CYP20A1: variants seen among roughly 807,000 people sequenced by gnomAD.
The protein encoded by CYP20A1 is cytochrome P450 family 20 subfamily A member 1, also known as cytochrome P450 20A1.
Under a neutral mutation model 61.4 loss-of-function variants are expected in CYP20A1, and 61 were observed. The ratio of observed to expected loss-of-function variants is 0.99; its 90% CI spans 0.81 to 1.23. CYP20A1 has a LOEUF of 1.23. Ranked by LOEUF, CYP20A1 falls within the 50% of genes most tolerant of loss-of-function variation. The pLI, the probability that CYP20A1 is intolerant of heterozygous loss-of-function variation, is 0.00. For synonymous variants in CYP20A1, 193 were observed against 188.2 expected, an observed-to-expected ratio of 1.03 and a Z score of -0.21; for missense variants, 530 against 542.4, an observed-to-expected ratio of 0.98 and a Z score of 0.23.
intron 3 of CYP20A1, among the ~76,000 whole-genome samples, chr2:203,250,793 G>A (rs1239174180): frequency 1.3e-5 from 2 of 152,092 alleles, no homozygotes; most frequent in African/African-American, 4.8e-5. Flanking sequence ...GGCCGGGTGC[G>A]GTGGCTCACG....
chr2:203,243,932 G>C (rs190714332), intron 1 of CYP20A1, among the ~76,000 whole-genome samples: 133 of 151,128 alleles, frequency 8.8e-4, no homozygotes, highest in South Asian at 3.0e-3. Flanking sequence ...TCAAATGATC[G>C]TCCTGCCTTG....
At chr2:203,273,003 C>T (rs2067669920) in intron 6 of CYP20A1, among the ~76,000 whole-genome samples, 2 of 151,910 alleles carry the variant, frequency 1.3e-5, no homozygotes, top group Admixed American at 6.6e-5. Flanking sequence ...GGTGCCACCA[C>T]GCCCAGCTAA....
chr2:203,249,521 T>C (rs4673251), intron 3 of CYP20A1, among the ~76,000 whole-genome samples: 136,016 of 152,208 alleles, frequency 0.89, 61,627 homozygotes, highest in Non-Finnish European at 0.96. Context: ...ACCACCAATA[T>C]GTTAAATATA....
intron 5 of CYP20A1, among the ~76,000 whole-genome samples, chr2:203,267,488 C>G (rs535909099): frequency 6.7e-6 from 1 of 148,782 alleles, no homozygotes; most frequent in Non-Finnish European, 1.5e-5. Context: ...GAGCCAAGAC[C>G]GCACCACTGC....
At chr2:203,252,840 G>A (rs746315347) in intron 4 of CYP20A1, among the ~76,000 whole-genome samples, 2 of 152,054 alleles carry the variant, frequency 1.3e-5, no homozygotes, top group African/African-American at 2.4e-5. Context: ...CCCACTTCGC[G>A]GTTGATGAGC....
chr2:203,264,553 T>A (rs1202162091), intron 4 of CYP20A1, among the ~76,000 whole-genome samples: 1 of 152,156 alleles, frequency 6.6e-6, no homozygotes, highest in Non-Finnish European at 1.5e-5. Flanking sequence ...CTGGGACTAG[T>A]ATATAGTTGT....
Position 203,259,532 on chromosome 2 carries a change from G to A in CYP20A1, c.433-6982G>A, listed in dbSNP as rs187263719. 22 of 152,136 alleles carry A rather than the reference G, an allele frequency of 1.4e-4. No individual in the cohort carries two copies. The East Asian group carries it at 3.5e-3, about 24-fold the overall frequency. 9.4% of individuals were successfully genotyped at this position (152,136 alleles called of 1,614,324 possible). On this transcript the variant is annotated intron_variant, in intron 4 of 12. Coordinates refer to ENST00000356079, the MANE Select transcript of CYP20A1 (RefSeq NM_177538.3). ...CCTTTGCCTTCTGCCATGATTATAA[G>A]CTTCCTGAGGCCTCATCAGAAGCCA...
At chr2:203,273,381 G>A (rs2067686483) in intron 6 of CYP20A1, among the ~76,000 whole-genome samples, 1 of 152,138 alleles carries the variant, frequency 6.6e-6, no homozygotes, top group South Asian at 2.1e-4. Flanking sequence ...TTATATGAAA[G>A]AAGACAATAT....
At chr2:203,239,777 C>G (rs1301932460) in intron 1 of CYP20A1, among the ~76,000 whole-genome samples, 1 of 152,154 alleles carries the variant, frequency 6.6e-6, no homozygotes, top group Non-Finnish European at 1.5e-5. Context: ...CACTTGCCTC[C>G]GTCAGCGAGA....
intron 3 of CYP20A1, among the ~76,000 whole-genome samples, chr2:203,250,614 G>A (rs1276213035): frequency 3.3e-5 from 5 of 152,194 alleles, no homozygotes; most frequent in Admixed American, 3.3e-4. Flanking sequence ...AATGGTCTCT[G>A]CTCCTATGGA....
intron 11 of CYP20A1, among the ~76,000 whole-genome samples, chr2:203,295,168 A>G (rs1488272329): frequency 6.6e-6 from 1 of 151,002 alleles, no homozygotes; most frequent in Non-Finnish European, 1.5e-5. Flanking sequence ...CGTGGTCTCA[A>G]TCTCCTGACT....
At position 203,297,361 on chromosome 2, in the gene CYP20A1, G is replaced by C. The variant is rs185793401; in HGVS notation, c.*453G>C. ...AGGCAGGTGGATCACCTGAGGTCCA[G>C]AGTTTGAGACCAGTCTGGCCAACAT... is the stretch of plus-strand genomic sequence containing the variant. On this transcript the variant is annotated 3_prime_UTR_variant, in exon 13 of 13. Transcript: ENST00000356079. 1.9e-5 allele frequency: 3 copies of C among 157,652 alleles called. No homozygotes were observed. Among genetic ancestry groups the C allele is most frequent in the Admixed American group, 1.3e-4 (2 of 15,944 alleles). The allele number at this position is 157,652 out of a possible 1,614,324, so 9.8% of individuals were successfully genotyped here. A position where few individuals can be genotyped will look rare whatever the true frequency, so the allele number is the denominator to read the frequency against.
At chr2:203,288,229 C>T (rs564383062) in intron 9 of CYP20A1, among the ~76,000 whole-genome samples, 1 of 151,564 alleles carries the variant, frequency 6.6e-6, no homozygotes, top group South Asian at 2.1e-4. Context: ...CCACACCTAG[C>T]TATTTTTTGT....
intron 10 of CYP20A1, among the ~76,000 whole-genome samples, chr2:203,290,750 C>T (rs1476478065): frequency 2.0e-5 from 3 of 152,132 alleles, no homozygotes; most frequent in Non-Finnish European, 4.4e-5. Context: ...TCAAGTGATT[C>T]TCCTGCCTCA....
Position 203,246,790 on chromosome 2 carries a change from G to A in CYP20A1, c.158G>A (p.Ser53Asn), listed in dbSNP as rs1361518310. Reference sequence around the variant, plus strand: ...CTTCCAGATATTGTGAATAGTGGAAGTTTGCATGAGTTCCTGGTTAATTTG... The same window carrying A: ...CTTCCAGATATTGTGAATAGTGGAAATTTGCATGAGTTCCTGGTTAATTTG... ...GNLPDIVNSG[S>N]LHEFLVNLHE... The change falls in exon 3 of 13, where the codon AGT becomes AAT. Residue 53 changes from serine to asparagine, a missense_variant. Transcript: ENST00000356079. The A allele has an allele frequency of 6.8e-6, 11 of 1,614,098 alleles. No individual in the cohort carries two copies. The highest frequency in any genetic ancestry group is 1.1e-5 in the South Asian group (1 of 91,072).
intron 10 of CYP20A1, among the ~76,000 whole-genome samples, chr2:203,290,274 A>G (rs1240027182): frequency 3.3e-5 from 5 of 152,206 alleles, no homozygotes; most frequent in African/African-American, 4.8e-5. Flanking sequence ...AAAGTGGCAA[A>G]TAAATGCTAC....
rs925379301 is a variant in CYP20A1 at position 203,305,001 on chromosome 2, A to G, written c.*8093A>G. On this transcript the variant is annotated 3_prime_UTR_variant, in exon 13 of 13. Coordinates refer to ENST00000356079, the MANE Select transcript of CYP20A1 (RefSeq NM_177538.3). ...CATTTTTGTAAGAGCTTCAGGGAATAGGCTTTTTTAAAGGGAATAGACTTA... is the reference window on the plus strand; with the variant it reads ...CATTTTTGTAAGAGCTTCAGGGAATGGGCTTTTTTAAAGGGAATAGACTTA... Among the ~76,000 whole-genome samples, 1 of 152,112 alleles carries G rather than the reference A, an allele frequency of 6.6e-6. No homozygotes were observed. The highest frequency in any genetic ancestry group is 1.5e-5 in the Non-Finnish European group (1 of 68,024).
intron 5 of CYP20A1, among the ~76,000 whole-genome samples, chr2:203,271,110 CGGAGTCTG>C (rs2067579909): frequency 2.1e-5 from 1 of 47,142 alleles, no homozygotes; most frequent in Non-Finnish European, 4.7e-5. Context: ...TTTTTTGAGA[CGGAGTCTG>C]GCTCTGTCCC....
Position 203,284,157 on chromosome 2 carries a change from T to C in CYP20A1, c.851-1455T>C, listed in dbSNP as rs560205684. ...AGTACCAGGTTACTACTGATTTTAATGGTAACAATATTGGTAATAAGGTGA... is the reference window on the plus strand; with the variant it reads ...AGTACCAGGTTACTACTGATTTTAACGGTAACAATATTGGTAATAAGGTGA... On this transcript the variant is annotated intron_variant, in intron 8 of 12. Coordinates refer to ENST00000356079, the MANE Select transcript of CYP20A1 (RefSeq NM_177538.3). 9.8e-5 allele frequency among the ~76,000 whole-genome samples: 15 copies of C among 152,314 alleles called. No homozygotes were observed. In the South Asian group the frequency reaches 3.1e-3, roughly 32 times the overall value.
Sources: allele counts gnomAD v4.1 joint callset (sites outside exome capture counted in the v4.1 genomes callset), GRCh38; gene constraint gnomAD v4.1.1; transcripts MANE v1.5; gene names NCBI Gene and HGNC (gene_info 2026-07-23, HGNC 2026-07-21).